TRHDE: variants seen among roughly 807,000 people sequenced by gnomAD.
TRHDE encodes the protein thyrotropin releasing hormone degrading enzyme.
Under a neutral mutation model 125.7 loss-of-function variants are expected in TRHDE, and 72 were observed. That is an observed-to-expected ratio of 0.57 (90% CI 0.47 to 0.70). The LOEUF is 0.70. TRHDE is among the 30% of genes least tolerant of loss of function. The pLI is 0.00. For missense variants in TRHDE, 1,110 were observed against 1,327.1 expected, an observed-to-expected ratio of 0.84 and a Z score of 2.54; for synonymous variants, 509 against 509.1, an observed-to-expected ratio of 1.00 and a Z score of 0.00.
chr12:72,220,941 T>C (rs1029340547), intron 2 of TRHDE, among the ~76,000 whole-genome samples: 1 of 152,144 alleles, frequency 6.6e-6, no homozygotes, highest in African/African-American at 2.4e-5. Context: ...TTTTATTTTT[T>C]TAAATGTATT....
chr12:72,343,808 GT>G (rs1870192071), intron 2 of TRHDE, among the ~76,000 whole-genome samples: 1 of 152,028 alleles, frequency 6.6e-6, no homozygotes. Context: ...TACTTCATTG[GT>G]TCTACAGTGA....
At chr12:72,575,167 G>A (rs1222197329) in intron 10 of TRHDE, 88 bp from the exon 11 acceptor site, 4 of 1,216,324 alleles carry the variant, frequency 3.3e-6, no homozygotes, top group South Asian at 2.8e-5. Context: ...TTAATTATTG[G>A]TATTGTTATA....
At chr12:72,353,378 G>C (rs566167649) in intron 2 of TRHDE, among the ~76,000 whole-genome samples, 1 of 151,832 alleles carries the variant, frequency 6.6e-6, no homozygotes, top group African/African-American at 2.4e-5. Flanking sequence ...TGGAAGAAAA[G>C]TGGTTGAAGG....
chr12:72,465,543 A>G (rs1876329088), intron 3 of TRHDE, among the ~76,000 whole-genome samples: 2 of 152,136 alleles, frequency 1.3e-5, no homozygotes, highest in African/African-American at 2.4e-5. Flanking sequence ...GACTGTAACC[A>G]TAGTTCATTT....
chr12:72,339,468 G>A lies in TRHDE; in HGVS notation c.1189-38527G>A, dbSNP rs546490692. Among the ~76,000 whole-genome samples, 22 of 152,170 alleles carry A rather than the reference G, an allele frequency of 1.4e-4. No individual in the cohort carries two copies. In the South Asian group the frequency reaches 2.7e-3, roughly 19 times the overall value. ...AGTGTACCTTAATAAGACCGTTTAC[G>A]TTTTTTGGGGGTCTCATTTGCCTCA... On this transcript the variant is annotated intron_variant, in intron 2 of 18. Coordinates refer to ENST00000261180, the MANE Select transcript of TRHDE (RefSeq NM_013381.3).
At chr12:72,412,764 T>G in intron 3 of TRHDE, among the ~76,000 whole-genome samples, 1 of 152,072 alleles carries the variant, frequency 6.6e-6, no homozygotes, top group Non-Finnish European at 1.5e-5. Flanking sequence ...TAAAGATAGC[T>G]TTGAGCAGAT....
intron 3 of TRHDE, among the ~76,000 whole-genome samples, chr12:72,390,305 A>T (rs1344459737): frequency 6.6e-6 from 1 of 152,212 alleles, no homozygotes; most frequent in Non-Finnish European, 1.5e-5. Context: ...TGCTTCCTTC[A>T]CTGGCTGTTG....
chr12:72,452,108 C>T (rs544282669), intron 3 of TRHDE, among the ~76,000 whole-genome samples: 21 of 152,108 alleles, frequency 1.4e-4, no homozygotes, highest in Admixed American at 9.8e-4. Context: ...GGATTACAGG[C>T]GCGATTTCTG....
chr12:72,154,225 C>CT (rs1411078832), intron 2 of TRHDE, among the ~76,000 whole-genome samples: 14 of 151,936 alleles, frequency 9.2e-5, no homozygotes, highest in Admixed American at 3.3e-4. Flanking sequence ...CAACCCCTGC[C>CT]TTTTTTTGTT....
At chr12:72,415,472 A>G (rs1214504150) in intron 3 of TRHDE, among the ~76,000 whole-genome samples, 1 of 151,934 alleles carries the variant, frequency 6.6e-6, no homozygotes. Context: ...ACTAGATCTT[A>G]TACCTTCTGT....
intron 12 of TRHDE, among the ~76,000 whole-genome samples, chr12:72,612,937 C>G (rs1565810153): frequency 2.0e-5 from 3 of 152,088 alleles, no homozygotes; most frequent in Admixed American, 6.5e-5. Flanking sequence ...TTTGGAAATA[C>G]AGAAGTTAGC....
At chr12:72,198,275 T>C (rs1366276598) in intron 2 of TRHDE, among the ~76,000 whole-genome samples, 1 of 152,160 alleles carries the variant, frequency 6.6e-6, no homozygotes, top group East Asian at 1.9e-4. Context: ...AACAATTATG[T>C]ACAAGTTTTG....
chr12:72,187,477 C>CGTGGTGGTGGTG (rs1168433112), intron 2 of TRHDE, among the ~76,000 whole-genome samples: 3 of 104,638 alleles, frequency 2.9e-5, no homozygotes, highest in East Asian at 3.5e-4. Context: ...TGGTTGTGGT[C>CGTGGTGGTGGTG]GTGGTGGTGG....
At chr12:72,633,747 C>G (rs1873595330) in intron 15 of TRHDE, among the ~76,000 whole-genome samples, 1 of 152,116 alleles carries the variant, frequency 6.6e-6, no homozygotes, top group South Asian at 2.1e-4. Context: ...TTTAGTGGTA[C>G]TATATTTGAT....
rs73342647 is a variant in TRHDE at position 72,351,463 on chromosome 12, G to T, written c.1189-26532G>T. ...TAACATACAGAGATGTACTCAACTG[G>T]CAGCCATAATAGAGAAAGCAGTACA... On this transcript the variant is annotated intron_variant, in intron 2 of 18. Transcript: ENST00000261180. 2.7e-3 allele frequency among the ~76,000 whole-genome samples: 408 copies of T among 152,056 alleles called. 2 individuals carry two copies. Among genetic ancestry groups the T allele is most frequent in the African/African-American group, 9.6e-3 (397 of 41,540 alleles).
chr12:72,514,664 T>A (rs1209169661), intron 6 of TRHDE, among the ~76,000 whole-genome samples: 1 of 151,896 alleles, frequency 6.6e-6, no homozygotes, highest in Non-Finnish European at 1.5e-5. Context: ...TACTTTAAGT[T>A]TCAGGGTACA....
At chr12:72,455,366 CA>C (rs1565748330) in intron 3 of TRHDE, among the ~76,000 whole-genome samples, 1 of 152,062 alleles carries the variant, frequency 6.6e-6, no homozygotes, top group African/African-American at 2.4e-5. Flanking sequence ...ATACTTTATA[CA>C]AGTGTTTAGT....
intron 5 of TRHDE, among the ~76,000 whole-genome samples, chr12:72,482,185 T>C (rs1168971154): frequency 1.3e-5 from 2 of 151,868 alleles, no homozygotes; most frequent in African/African-American, 2.4e-5. Flanking sequence ...ATCTATCAGT[T>C]TCTTGTATAC....
chr12:72,168,913 T>C (rs1244664392), intron 2 of TRHDE, among the ~76,000 whole-genome samples: 1 of 152,188 alleles, frequency 6.6e-6, no homozygotes, highest in East Asian at 1.9e-4. Flanking sequence ...TTCTTAGAAA[T>C]TTATTTTCAA....
Sources: gnomAD v4.1 joint callset for allele counts (sites outside exome capture counted in the v4.1 genomes callset) on GRCh38, gnomAD v4.1.1 for gene constraint, MANE v1.5 for transcripts, NCBI Gene and HGNC (gene_info 2026-07-23, HGNC 2026-07-21) for gene names.